IARS1: variants seen among roughly 807,000 people sequenced by gnomAD.
IARS1 encodes the protein isoleucyl-tRNA synthetase 1, also known as isoleucine--tRNA ligase, cytoplasmic.
IARS1 carries 124 observed loss-of-function variants against 168.2 expected under a neutral mutation model. That is an observed-to-expected ratio of 0.74 (90% CI 0.64 to 0.86). The LOEUF is 0.86. Among genes scored for constraint, IARS1 ranks in the 40% least tolerant of loss-of-function variants. The pLI, the probability that IARS1 is intolerant of heterozygous loss-of-function variation, is 0.00. For missense variants in IARS1, 1,452 were observed against 1,515.8 expected (o/e 0.96, Z 0.70); for synonymous variants, 532 against 529.4 (o/e 1.00, Z -0.07).
chr9:92,263,243 T>C (rs934748886), intron 16 of IARS1, among the ~76,000 whole-genome samples, 188 bp from the exon 17 acceptor site: 4 of 152,190 alleles, frequency 2.6e-5, no homozygotes. Context: ...GAAAGAAGCA[T>C]TGAAATAAAC....
At chr9:92,271,459 C>A in intron 11 of IARS1, 74 bp downstream of exon 11, 1 of 1,557,670 alleles carries the variant, frequency 6.4e-7, no homozygotes, top group Non-Finnish European at 8.8e-7. Context: ...AGAAGAATTA[C>A]AATACAATTA....
At chr9:92,229,840 C>A (rs1390999340) in intron 30 of IARS1, among the ~76,000 whole-genome samples, 2 of 152,122 alleles carry the variant, frequency 1.3e-5, no homozygotes, top group Admixed American at 1.3e-4. Context: ...CATGTGTACA[C>A]GTGGGTATGT....
In IARS1 at chr9:92,222,677, G is replaced by A; in HGVS notation, c.3554-5C>T. ...CCACTGTCCCCATTAAACACTCTGT[G>A]GAAGACAGAACAAACTGGATTAAAT... On this transcript the variant is annotated splice_region_variant and splice_polypyrimidine_tract_variant and intron_variant, in intron 32 of 33. Transcript: ENST00000443024. 6.2e-7 allele frequency: 1 copy of A among 1,613,466 alleles called. No individual in the cohort carries two copies. Among genetic ancestry groups the A allele is most frequent in the Non-Finnish European group, 8.5e-7 (1 of 1,179,752 alleles).
At chr9:92,270,953 C>G in intron 12 of IARS1, 32 bp downstream of exon 12, 1 of 1,454,732 alleles carries the variant, frequency 6.9e-7, no homozygotes, top group Non-Finnish European at 9.5e-7. Context: ...ACTGGAAGCT[C>G]TAGCTACAAC....
chr9:92,251,750 T>A (rs1408377043), intron 22 of IARS1, 58 bp downstream of exon 22: 4 of 1,135,702 alleles, frequency 3.5e-6, no homozygotes. Context: ...CTGCAGCAAG[T>A]AGGTGCTGAA....
At chr9:92,231,406 A>C (rs1053797916) in intron 30 of IARS1, among the ~76,000 whole-genome samples, 25 of 138,534 alleles carry the variant, frequency 1.8e-4, no homozygotes, top group Middle Eastern at 3.8e-3. Context: ...TATATGTGTT[A>C]TTTTTTTCTT....
rs1234385859 is a variant in IARS1 at position 92,223,224 on chromosome 9, G to A, written c.3553+122C>T. The A allele has an allele frequency of 1.5e-5, 12 of 808,432 alleles. No homozygotes were observed. In the East Asian group the frequency reaches 2.0e-4, roughly 13 times the overall value. 50.1% of individuals were successfully genotyped at this position (808,432 alleles called of 1,614,324 possible). On this transcript the variant is annotated intron_variant, in intron 32 of 33. Coordinates refer to ENST00000443024, the MANE Select transcript of IARS1 (RefSeq NM_002161.6). ...GCCTGTGGTTGCTCCCCAAAGTTGC[G>A]TGAGAGCCCACACTTTAAAGCAATA...
At chr9:92,271,507 C>T (rs752711416) in intron 11 of IARS1, 26 bp downstream of exon 11, 14 of 1,612,232 alleles carry the variant, frequency 8.7e-6, no homozygotes, top group Middle Eastern at 3.3e-4. Flanking sequence ...TAACAGTCAC[C>T]CTTCTATGCT....
chr9:92,283,807 C>T (rs1835016997), intron 6 of IARS1, among the ~76,000 whole-genome samples: 1 of 152,024 alleles, frequency 6.6e-6, no homozygotes, highest in African/African-American at 2.4e-5. Context: ...AAATATAACC[C>T]CTTGGGAAAT....
intron 19 of IARS1, among the ~76,000 whole-genome samples, chr9:92,258,622 A>G (rs1327592054): frequency 6.6e-6 from 1 of 152,050 alleles, no homozygotes; most frequent in African/African-American, 2.4e-5. Context: ...CGACTAAACA[A>G]CTATATGACA....
At chr9:92,269,765 T>C (rs1252967309) in intron 13 of IARS1, 120 bp downstream of exon 13, 14 of 629,186 alleles carry the variant, frequency 2.2e-5, no homozygotes, top group Non-Finnish European at 3.4e-5. Flanking sequence ...GAAGAAAAGA[T>C]AGCTATTACA....
rs1016158103 is a variant in IARS1, at chr9:92,215,072, T to C, written c.3707-4183A>G. Among the ~76,000 whole-genome samples, 57 of 152,298 alleles carry C rather than the reference T, an allele frequency of 3.7e-4. No individual in the cohort carries two copies. In the East Asian group the frequency reaches 5.2e-3, roughly 14 times the overall value. Reference sequence around the variant, plus strand: ...GGTTCTCCCAGCATGCAGCTGGAGATCTGAGAACGGGCAGACTGCCTCCTC... The same window carrying C: ...GGTTCTCCCAGCATGCAGCTGGAGACCTGAGAACGGGCAGACTGCCTCCTC... On this transcript the variant is annotated intron_variant, in intron 33 of 33. Transcript: ENST00000443024.
chr9:92,281,505 T>C (rs1437166061), intron 6 of IARS1, among the ~76,000 whole-genome samples: 1 of 152,112 alleles, frequency 6.6e-6, no homozygotes, highest in Non-Finnish European at 1.5e-5. Context: ...ATTATCTATT[T>C]TGTAAGTCCA....
At position 92,247,445 on chromosome 9, in the gene IARS1, G is replaced by C. The variant is rs747531283; in HGVS notation, c.2723C>G (p.Ala908Gly). ...HMVLGKRLKG[A>G]FKAVMTSIKQ... is the part of the protein sequence containing the mutation. The stretch of plus-strand genomic sequence containing the variant: ...GATGGACGTCATCACTGCCTTAAAG[G>C]CTCCCTTCAGACGCTTCCCCAGGAC... The change falls in exon 26 of 34, where the codon GCC (alanine) becomes GGC (glycine). Residue 908 changes from alanine (A) to glycine (G), a missense_variant. Ala to Gly is a moderately conservative substitution (Grantham distance 60). Transcript: ENST00000443024. 1.4e-5 allele frequency: 22 copies of C among 1,614,120 alleles called. No individual in the cohort carries two copies. In the South Asian group the frequency reaches 1.4e-4, roughly 10 times the overall value.
chr9:92,228,876 T>C (rs930558580), intron 31 of IARS1, 125 bp downstream of exon 31: 2 of 1,039,048 alleles, frequency 1.9e-6, no homozygotes, highest in South Asian at 1.5e-5. Context: ...TGCTGAAGAG[T>C]TGGGCCCTGA....
At chr9:92,276,243 T>C (rs1282623476) in intron 9 of IARS1, among the ~76,000 whole-genome samples, 3 of 152,118 alleles carry the variant, frequency 2.0e-5, no homozygotes, top group Non-Finnish European at 4.4e-5. Context: ...ACTCAGCAGA[T>C]ATCAACATAA....
At chr9:92,287,312 T>C (rs1439080308) in intron 4 of IARS1, 1 of 153,836 alleles carries the variant, frequency 6.5e-6, no homozygotes, top group African/African-American at 2.4e-5. Flanking sequence ...GACAACCAAA[T>C]GCAATATGTG....
chr9:92,252,078 A>C (rs766552884), intron 21 of IARS1, among the ~76,000 whole-genome samples, 193 bp from the exon 22 acceptor site: 1 of 152,254 alleles, frequency 6.6e-6, no homozygotes, highest in Non-Finnish European at 1.5e-5. Context: ...CCTTCAGGGC[A>C]GTGCAGGAGG....
At chr9:92,230,742 T>A (rs902372835) in intron 30 of IARS1, among the ~76,000 whole-genome samples, 1 of 152,214 alleles carries the variant, frequency 6.6e-6, no homozygotes, top group South Asian at 2.1e-4. Flanking sequence ...CAGCAATGTA[T>A]GAGATACAGC....
Sources: gnomAD v4.1 joint callset for allele counts (sites outside exome capture counted in the v4.1 genomes callset) on GRCh38, gnomAD v4.1.1 for gene constraint, MANE v1.5 for transcripts, NCBI Gene and HGNC (gene_info 2026-07-23, HGNC 2026-07-21) for gene names.